PCDHA5: variants seen among roughly 807,000 people sequenced by gnomAD.
The protein encoded by PCDHA5 is protocadherin alpha-5.
Under a neutral mutation model 61.6 loss-of-function variants are expected in PCDHA5, and 43 were observed. The observed-to-expected ratio is 0.70, with a 90% confidence interval of 0.55 to 0.90. The LOEUF (loss-of-function observed/expected upper bound fraction) is 0.90, where lower values mean the gene tolerates loss of function less well. Among genes scored for constraint, PCDHA5 ranks in the 40% least tolerant of loss-of-function variants. The pLI is 0.00. For synonymous variants in PCDHA5, 627 were observed against 543.9 expected (o/e 1.15, Z -2.13); for missense variants, 1,298 against 1,222.7 (o/e 1.06, Z -0.92).
At chr5:140,982,434 T>A in intron 2 of PCDHA5, 41 bp from the exon 3 acceptor site, 1 of 1,613,270 alleles carries the variant, frequency 6.2e-7, no homozygotes, top group Non-Finnish European at 8.5e-7. Flanking sequence ...TGGGAAAGAA[T>A]TTATGATCTA....
At position 140,870,724 on chromosome 5, in the gene PCDHA5, G is replaced by T. The variant is rs140203389; in HGVS notation, c.2352+46597G>T. 8.1e-4 allele frequency: 1,312 copies of T among 1,613,160 alleles called. 10 individuals carry two copies. In the African/African-American group the frequency reaches 0.014, roughly 18 times the overall value. On this transcript the variant is annotated intron_variant, in intron 1 of 3. Coordinates refer to ENST00000529859, the MANE Select transcript of PCDHA5 (RefSeq NM_018908.3). ...CCAGGTGAGCGCGCGCGATGCGGGC[G>T]TGCCGCCTCTGAGCAGCAACGTGAC...
chr5:140,842,929 C>A lies in PCDHA5; in HGVS notation c.2352+18802C>A, dbSNP rs2150347942. 3.8e-6 allele frequency: 6 copies of A among 1,594,270 alleles called. 1 individual carries two copies. The highest frequency in any genetic ancestry group is 5.1e-6 in the Non-Finnish European group (6 of 1,165,428). On this transcript the variant is annotated intron_variant, in intron 1 of 3. Coordinates refer to ENST00000529859, the MANE Select transcript of PCDHA5 (RefSeq NM_018908.3). ...TAGAGCTGCTGCAGTTCCAGGTGAGCGCGCGCGACGCGGGCGTGCCGCCTC... is the reference window on the plus strand; with the variant it reads ...TAGAGCTGCTGCAGTTCCAGGTGAGAGCGCGCGACGCGGGCGTGCCGCCTC...
intron 1 of PCDHA5, chr5:140,966,973 G>C (rs782189736): frequency 6.2e-7 from 1 of 1,602,934 alleles, no homozygotes; most frequent in Non-Finnish European, 8.5e-7. Context: ...GGCTTGAGCT[G>C]CGGCGCTTGG....
In PCDHA5 at chr5:140,823,526, T is replaced by C; in HGVS notation, c.1751T>C (p.Val584Ala). The change falls in exon 1 of 4, where the codon GTG (valine) becomes GCG (alanine). Residue 584 changes from valine (V) to alanine (A), a missense_variant. By Grantham distance (64) the Val-to-Ala change is moderately conservative. Coordinates refer to ENST00000529859, the MANE Select transcript of PCDHA5 (RefSeq NM_018908.3). Reference sequence around the variant, plus strand: ...GTGAGCGAGCTGGTGCCGAGGTCAGTGGGTGCGGGCCACGTGGTGGCGAAG... The same window carrying C: ...GTGAGCGAGCTGGTGCCGAGGTCAGCGGGTGCGGGCCACGTGGTGGCGAAG... ...GAVSELVPRS[V>A]GAGHVVAKVR... The C allele has an allele frequency of 6.2e-7, 1 of 1,613,632 alleles. No homozygotes were observed. The highest frequency in any genetic ancestry group is 1.1e-5 in the South Asian group (1 of 91,052).
At chr5:140,962,625 A>C (rs2095697493) in intron 1 of PCDHA5, among the ~76,000 whole-genome samples, 1 of 152,228 alleles carries the variant, frequency 6.6e-6, no homozygotes, top group Non-Finnish European at 1.5e-5. Context: ...GAGATGTGAA[A>C]AAATTTAGCC....
intron 1 of PCDHA5, among the ~76,000 whole-genome samples, chr5:140,972,725 G>A (rs985697414): frequency 2.7e-5 from 4 of 146,408 alleles, no homozygotes; most frequent in African/African-American, 7.7e-5. Context: ...GTGCAGTGGC[G>A]TAATCCCGGC....
At chr5:140,842,303 C>T (rs1554138957) in intron 1 of PCDHA5, 2 of 1,608,454 alleles carry the variant, frequency 1.2e-6, no homozygotes, top group Non-Finnish European at 1.7e-6. Context: ...CAAAGGCCAT[C>T]CTCCCATGGC....
In PCDHA5 at chr5:140,849,922, C is replaced by T. The variant is rs140735832; in HGVS notation, c.2352+25795C>T. 4.3e-5 allele frequency: 69 copies of T among 1,598,214 alleles called. 4 individuals carry two copies. Among genetic ancestry groups the T allele is most frequent in the Middle Eastern group, 1.7e-4 (1 of 5,782 alleles). On this transcript the variant is annotated intron_variant, in intron 1 of 3. Transcript: ENST00000529859. The stretch of plus-strand genomic sequence containing the variant: ...AACCCGCCGGGCTGCCACATCTTCA[C>T]GGTGTCTGCGCGGGACGCTGACGCG...
At chr5:140,955,458 T>C (rs246018) in intron 1 of PCDHA5, among the ~76,000 whole-genome samples, 85,567 of 151,850 alleles carry the variant, frequency 0.56, 24,724 homozygotes, top group African/African-American at 0.69. Flanking sequence ...AAGGGCTTTT[T>C]CCTTTTTGCT....
rs2150230221 is a variant in PCDHA5 at position 140,835,046 on chromosome 5, G to A, written c.2352+10919G>A. The A allele has an allele frequency of 6.3e-6, 8 of 1,261,804 alleles. No individual in the cohort carries two copies. The East Asian group carries it at 1.6e-4, about 24-fold the overall frequency. 78.2% of individuals were successfully genotyped at this position (1,261,804 alleles called of 1,614,324 possible). On this transcript the variant is annotated intron_variant, in intron 1 of 3. Transcript: ENST00000529859. ...CGGCCACCGATGGAGGCAAACCCGAGCTGACTGGCACCGTTCAATTACTCA... is the reference window on the plus strand; with the variant it reads ...CGGCCACCGATGGAGGCAAACCCGAACTGACTGGCACCGTTCAATTACTCA...
In PCDHA5 at chr5:140,858,521, A is replaced by G. The variant is rs782589492; in HGVS notation, c.2352+34394A>G. On this transcript the variant is annotated intron_variant, in intron 1 of 3. Transcript: ENST00000529859. Reference sequence around the variant, plus strand: ...CATTTTCTCAAATATGTATCAGAATATTTCATTTTTGTCTACATTCCATTT... The same window carrying G: ...CATTTTCTCAAATATGTATCAGAATGTTTCATTTTTGTCTACATTCCATTT... 1.4e-6 allele frequency: 2 copies of G among 1,420,880 alleles called. 1 individual carries two copies. Among genetic ancestry groups the G allele is most frequent in the Non-Finnish European group, 1.9e-6 (2 of 1,028,816 alleles). 88.0% of individuals were successfully genotyped at this position (1,420,880 alleles called of 1,614,324 possible).
At chr5:140,840,009 T>C (rs1322278624) in intron 1 of PCDHA5, among the ~76,000 whole-genome samples, 2 of 152,046 alleles carry the variant, frequency 1.3e-5, no homozygotes, top group Admixed American at 6.5e-5. Context: ...ACTGAGAAGA[T>C]TGGCTCATGG....
At chr5:140,966,680 A>AGCG in intron 1 of PCDHA5, 1 of 1,317,158 alleles carries the variant, frequency 7.6e-7, no homozygotes, top group Non-Finnish European at 9.8e-7. Flanking sequence ...GGGTGGCACG[A>AGCG]GCGGAGGCGG....
intron 1 of PCDHA5, among the ~76,000 whole-genome samples, chr5:140,941,319 C>CTT (rs70988781): frequency 9.6e-6 from 1 of 104,394 alleles, no homozygotes; most frequent in African/African-American, 3.7e-5. Flanking sequence ...TCTTCTTTCT[C>CTT]TTTTTTTTTT....
intron 1 of PCDHA5, among the ~76,000 whole-genome samples, chr5:140,912,788 A>G (rs1467959281): frequency 6.6e-6 from 1 of 152,104 alleles, no homozygotes; most frequent in East Asian, 1.9e-4. Context: ...CTTCTATGCC[A>G]ATTTTCTTGA....
At chr5:140,848,694 G>A (rs2150417748) in intron 1 of PCDHA5, 1 of 1,592,460 alleles carries the variant, frequency 6.3e-7, no homozygotes, top group Admixed American at 1.7e-5. Context: ...GTTCCAGTTG[G>A]ATTCCAAAGG....
Position 141,009,823 on chromosome 5 carries a change from C to T in PCDHA5, c.2697C>T (p.Phe899=), listed in dbSNP as rs2098414711. Residue 899 remains phenylalanine, a synonymous_variant, in exon 4 of 4, where the codon TTC becomes TTT. Transcript: ENST00000529859. The part of the protein sequence containing the change: ...PTNSQIDKSD[F]ITFGKKEETK... ...ACAGCCAAATTGACAAAAGTGACTTCATAACCTTCGGCAAAAAGGAGGAGA... is the reference window on the plus strand; with the variant it reads ...ACAGCCAAATTGACAAAAGTGACTTTATAACCTTCGGCAAAAAGGAGGAGA... 4 of 1,614,030 alleles carry T rather than the reference C, an allele frequency of 2.5e-6. No individual in the cohort carries two copies. The highest frequency in any genetic ancestry group is 3.4e-6 in the Non-Finnish European group (4 of 1,180,010).
At chr5:140,885,434 T>C (rs1554182149) in intron 1 of PCDHA5, among the ~76,000 whole-genome samples, 1 of 152,158 alleles carries the variant, frequency 6.6e-6, no homozygotes, top group African/African-American at 2.4e-5. Context: ...AGTGTAAGTG[T>C]GCAATTATAT....
At chr5:140,862,745 A>G (rs1403297614) in intron 1 of PCDHA5, 1 of 578,200 alleles carries the variant, frequency 1.7e-6, no homozygotes, top group Non-Finnish European at 3.3e-6. Context: ...GTGTGGGTGC[A>G]CGCGGAGAGC....
Sources: allele counts gnomAD v4.1 joint callset (sites outside exome capture counted in the v4.1 genomes callset), GRCh38; gene constraint gnomAD v4.1.1; transcripts MANE v1.5; gene names NCBI Gene and HGNC (gene_info 2026-07-23, HGNC 2026-07-21).